GLRX3: variants seen among roughly 807,000 people sequenced by gnomAD.
GLRX3 encodes the protein glutaredoxin 3.
GLRX3 carries 22 observed loss-of-function variants against 49.5 expected under a neutral mutation model. The observed-to-expected ratio is 0.44, with a 90% CI of 0.32 to 0.63. GLRX3 has a LOEUF of 0.63. GLRX3 is among the 30% of genes least tolerant of loss of function. The pLI, the probability that GLRX3 is intolerant of heterozygous loss-of-function variation, is 0.05. For missense variants in GLRX3, 385 were observed against 396.3 expected (o/e 0.97, Z 0.24); for synonymous variants, 133 against 140.0 (o/e 0.95, Z 0.35).
chr10:130,150,294 G>A (rs16910144), intron 2 of GLRX3, among the ~76,000 whole-genome samples: 7,638 of 150,652 alleles, frequency 0.051, 402 homozygotes, highest in African/African-American at 0.13. Flanking sequence ...TCCTTTGTTC[G>A]AATGGCTCTT....
At chr10:130,149,409 T>A (rs1364313855) in intron 2 of GLRX3, among the ~76,000 whole-genome samples, 5 of 150,256 alleles carry the variant, frequency 3.3e-5, no homozygotes. Flanking sequence ...GCTACTGCAC[T>A]CCGGCCTGCG....
rs759377537 is a variant in GLRX3 at position 130,145,253 on chromosome 10, G to A, written c.135G>A (p.Gln45=). 1.3e-6 allele frequency: 2 copies of A among 1,573,596 alleles called. No homozygotes were observed. Among genetic ancestry groups the A allele is most frequent in the Non-Finnish European group, 1.7e-6 (2 of 1,144,704 alleles). ...VVHFWAPWAP[Q]CAQMNEVMAE... ...ATTTCTGGGCACCATGGGCTCCACA[G>A]TGTGCACAGATGAACGAAGTTATGG... Residue 45 remains glutamine, a synonymous_variant, in exon 2 of 11, where the codon CAG becomes CAA. Coordinates refer to ENST00000331244, the MANE Select transcript of GLRX3 (RefSeq NM_006541.5).
intron 2 of GLRX3, among the ~76,000 whole-genome samples, chr10:130,153,400 G>T (rs1862417195): frequency 6.6e-6 from 1 of 152,178 alleles, no homozygotes; most frequent in Admixed American, 6.5e-5. Flanking sequence ...GGAATTTTCA[G>T]CCTTTCTGCT....
intron 2 of GLRX3, among the ~76,000 whole-genome samples, chr10:130,149,664 G>C (rs921139069): frequency 1.3e-5 from 2 of 151,978 alleles, no homozygotes; most frequent in Non-Finnish European, 2.9e-5. Flanking sequence ...TCTGGCAGAG[G>C]GGGGTGGGAG....
Position 130,169,468 on chromosome 10 carries a change from T to C in GLRX3, c.749T>C (p.Leu250Pro). 1 of 1,611,196 alleles carries C rather than the reference T, an allele frequency of 6.2e-7. No individual in the cohort carries two copies. The highest frequency in any genetic ancestry group is 8.5e-7 in the Non-Finnish European group (1 of 1,177,286). The change falls in exon 7 of 11, where the codon CTC (leucine) becomes CCC (proline). Residue 250 changes from leucine to proline, a missense_variant. By Grantham distance (98) the Leu-to-Pro change is moderately conservative. Coordinates refer to ENST00000331244, the MANE Select transcript of GLRX3 (RefSeq NM_006541.5). ...CTGACAAATAAAGCTTCTGTGATGC[T>C]CTTTATGAAAGGAAACAAACAGGTA... ...KVLTNKASVMLFMKGNKQEAK... is the reference protein window; with the variant it reads ...KVLTNKASVMPFMKGNKQEAK...
At chr10:130,137,350 G>A (rs563398465) in intron 1 of GLRX3, among the ~76,000 whole-genome samples, 1 of 152,324 alleles carries the variant, frequency 6.6e-6, no homozygotes, top group South Asian at 2.1e-4. Flanking sequence ...GTGCGTGCCT[G>A]CAGGGAAAGG....
chr10:130,165,954 C>T (rs1365292905), intron 4 of GLRX3, among the ~76,000 whole-genome samples: 1 of 152,178 alleles, frequency 6.6e-6, no homozygotes, highest in African/African-American at 2.4e-5. Context: ...TCATGTGTCA[C>T]CTTGGTGGGT....
intron 1 of GLRX3, among the ~76,000 whole-genome samples, chr10:130,144,302 T>C (rs1862229041): frequency 6.6e-6 from 1 of 151,780 alleles, no homozygotes; most frequent in African/African-American, 2.4e-5. Flanking sequence ...TTTTTTTTTT[T>C]TCGTTTACTT....
chr10:130,179,848 A>G (rs1862991916), downstream of GLRX3, among the ~76,000 whole-genome samples: 1 of 152,200 alleles, frequency 6.6e-6, no homozygotes, highest in Non-Finnish European at 1.5e-5. Context: ...AGGAAAAACA[A>G]CGGAAATTAG....
intron 8 of GLRX3, among the ~76,000 whole-genome samples, chr10:130,172,899 C>T (rs529503086): frequency 1.8e-4 from 28 of 152,218 alleles, no homozygotes; most frequent in Non-Finnish European, 3.4e-4. Flanking sequence ...GCTGAAACCA[C>T]GCCACTGCAC....
intron 10 of GLRX3, among the ~76,000 whole-genome samples, chr10:130,175,921 A>T (rs2134930233): frequency 6.6e-6 from 1 of 152,310 alleles, no homozygotes; most frequent in East Asian, 1.9e-4. Context: ...CTAGACAGGA[A>T]TGCTGGGCAG....
In GLRX3 at chr10:130,145,194, A is replaced by C; in HGVS notation, c.93-17A>C. The C allele has an allele frequency of 1.0e-6, 1 of 986,376 alleles. No individual in the cohort carries two copies. Among genetic ancestry groups the C allele is most frequent in the Non-Finnish European group, 1.6e-6 (1 of 637,808 alleles). 61.1% of individuals were successfully genotyped at this position (986,376 alleles called of 1,614,324 possible). A position where few individuals can be genotyped will look rare whatever the true frequency, so the allele number is the denominator to read the frequency against. On this transcript the variant is annotated splice_polypyrimidine_tract_variant and intron_variant, in intron 1 of 10. Coordinates refer to ENST00000331244, the MANE Select transcript of GLRX3 (RefSeq NM_006541.5). ...AATTGGTATAATTTTAAATAAATGC[A>C]TTTAATTGATTTACAGGTCCCTCCT...
At chr10:130,178,999 C>T (rs1477338968) in intron 10 of GLRX3, among the ~76,000 whole-genome samples, 1 of 151,708 alleles carries the variant, frequency 6.6e-6, no homozygotes. Context: ...CCACTGCACC[C>T]AGCCTTATTT....
rs1238663880 is a variant in GLRX3, at chr10:130,145,334, A to G, written c.201+15A>G. On this transcript the variant is annotated intron_variant, in intron 2 of 10. Transcript: ENST00000331244. ...CATTTGTGAAGGTATTTATATTTCA[A>G]TGTCATGTCTTTTGTGAATTTAATT... 9 of 1,100,656 alleles carry G rather than the reference A, an allele frequency of 8.2e-6. No homozygotes were observed. Among genetic ancestry groups the G allele is most frequent in the East Asian group, 7.0e-5 (3 of 42,590 alleles). The allele number at this position is 1,100,656 out of a possible 1,614,324, so 68.2% of individuals were successfully genotyped here. A position where few individuals can be genotyped will look rare whatever the true frequency, so the allele number is the denominator to read the frequency against.
intron 1 of GLRX3, among the ~76,000 whole-genome samples, chr10:130,140,221 A>T (rs1403354340): frequency 6.6e-6 from 1 of 152,220 alleles, no homozygotes; most frequent in Non-Finnish European, 1.5e-5. Context: ...ATTGAAAAAC[A>T]ACTATTTGCT....
intron 1 of GLRX3, among the ~76,000 whole-genome samples, 183 bp from the exon 2 acceptor site, chr10:130,145,028 T>A (rs1235341498): frequency 1.3e-5 from 2 of 152,214 alleles, no homozygotes; most frequent in East Asian, 3.8e-4. Context: ...TCTGAAAGAG[T>A]CTCAAGACCT....
chr10:130,167,061 C>G lies in GLRX3; in HGVS notation c.713+81C>G, dbSNP rs1384852739. 5 of 678,708 alleles carry G rather than the reference C, an allele frequency of 7.4e-6. No individual in the cohort carries two copies. The African/African-American group carries it at 9.5e-5, about 13-fold the overall frequency. 42.0% of individuals were successfully genotyped at this position (678,708 alleles called of 1,614,324 possible). A position where few individuals can be genotyped will look rare whatever the true frequency, so the allele number is the denominator to read the frequency against. On this transcript the variant is annotated intron_variant, in intron 6 of 10. Coordinates refer to ENST00000331244, the MANE Select transcript of GLRX3 (RefSeq NM_006541.5). ...TAAAGTCCTCAGGTTTTGCATTGCTCTTTCTGTGTAGAAATCAAGGATTTG... is the reference window on the plus strand; with the variant it reads ...TAAAGTCCTCAGGTTTTGCATTGCTGTTTCTGTGTAGAAATCAAGGATTTG...
intron 10 of GLRX3, among the ~76,000 whole-genome samples, chr10:130,179,124 C>CACCACACCTGGCCA (rs2134936362): frequency 6.6e-6 from 1 of 152,292 alleles, no homozygotes; most frequent in South Asian, 2.1e-4. Flanking sequence ...ATTTGTGAGC[C>CACCACACCTGGCCA]ACCACACCTG....
At chr10:130,159,749 C>G in intron 2 of GLRX3, 1 of 1,218,744 alleles carries the variant, frequency 8.2e-7, no homozygotes, top group Non-Finnish European at 1.0e-6. Flanking sequence ...TTCACAGCCT[C>G]CAGGCATCTT....
Sources: gnomAD v4.1 joint callset for allele counts (sites outside exome capture counted in the v4.1 genomes callset) on GRCh38, gnomAD v4.1.1 for gene constraint, MANE v1.5 for transcripts, NCBI Gene and HGNC (gene_info 2026-07-23, HGNC 2026-07-21) for gene names.